The following CADM2 variants were observed in gnomAD, a reference collection of about 807,000 sequenced individuals.
The protein encoded by CADM2 is immunoglobulin superfamily member 4D.
Under a neutral mutation model 49.8 loss-of-function variants are expected in CADM2, and 12 were observed. The ratio of observed to expected loss-of-function variants is 0.24; its 90% CI spans 0.15 to 0.39. The LOEUF is 0.39. Among genes scored for constraint, CADM2 ranks in the 10% least tolerant of loss-of-function variants. The pLI is 1.00. For missense variants in CADM2, 378 were observed against 492.3 expected, an observed-to-expected ratio of 0.77 and a Z score of 2.20; for synonymous variants, 214 against 175.4, an observed-to-expected ratio of 1.22 and a Z score of -1.74.
chr3:85,726,484 G>A (rs1559616641), intron 1 of CADM2, 38 bp from the exon 2 acceptor site: 1 of 1,609,548 alleles, frequency 6.2e-7, no homozygotes, highest in Non-Finnish European at 8.5e-7. Context: ...TATCTAATAT[G>A]TTTGTTCTCT....
intron 1 of CADM2, among the ~76,000 whole-genome samples, chr3:85,195,313 A>T (rs2041314751): frequency 6.6e-6 from 1 of 152,036 alleles, no homozygotes; most frequent in South Asian, 2.1e-4. Flanking sequence ...CCTGCCTCTC[A>T]TTAGTCAAAA....
At chr3:85,621,922 A>C (rs1239760074) in intron 1 of CADM2, among the ~76,000 whole-genome samples, 1 of 152,196 alleles carries the variant, frequency 6.6e-6, no homozygotes, top group African/African-American at 2.4e-5. Flanking sequence ...GCATAAAATA[A>C]TTCCCCGCTT....
At chr3:85,340,863 T>C (rs1483420297) in intron 1 of CADM2, among the ~76,000 whole-genome samples, 1 of 151,704 alleles carries the variant, frequency 6.6e-6, no homozygotes, top group Non-Finnish European at 1.5e-5. Flanking sequence ...TGGAGATTAT[T>C]GTTTTATTTG....
chr3:85,301,814 TCAGGTCTCCTGACACC>T (rs2044108302), intron 1 of CADM2, among the ~76,000 whole-genome samples: 1 of 152,064 alleles, frequency 6.6e-6, no homozygotes, highest in African/African-American at 2.4e-5. Context: ...TGATATGAGC[TCAGGTCTCCTGACACC>T]CATATTAAAA....
intron 7 of CADM2, among the ~76,000 whole-genome samples, chr3:85,945,718 A>G (rs1722595966): frequency 6.6e-6 from 1 of 152,162 alleles, no homozygotes; most frequent in Non-Finnish European, 1.5e-5. Context: ...GCCTTTGATA[A>G]AATTCAACAG....
intron 1 of CADM2, among the ~76,000 whole-genome samples, chr3:85,188,015 T>C (rs1217819343): frequency 6.6e-6 from 1 of 151,984 alleles, no homozygotes; most frequent in Non-Finnish European, 1.5e-5. Context: ...AAAGTTATTA[T>C]CTAAATTATT....
intron 7 of CADM2, among the ~76,000 whole-genome samples, chr3:85,940,455 G>A (rs549191442): frequency 5.9e-5 from 9 of 152,064 alleles, no homozygotes; most frequent in Non-Finnish European, 1.2e-4. Flanking sequence ...ACCATCAGAC[G>A]AAATGACAAA....
At chr3:85,820,038 G>T (rs888202673) in intron 3 of CADM2, among the ~76,000 whole-genome samples, 3 of 152,090 alleles carry the variant, frequency 2.0e-5, no homozygotes, top group African/African-American at 7.2e-5. Flanking sequence ...AGAGGTAGAA[G>T]TGTCATGTCT....
At chr3:85,653,600 TATG>T (rs2065117229) in intron 1 of CADM2, among the ~76,000 whole-genome samples, 1 of 152,068 alleles carries the variant, frequency 6.6e-6, no homozygotes, top group South Asian at 2.1e-4. Flanking sequence ...AAATTTGTTT[TATG>T]ATATTTTTTA....
intron 1 of CADM2, among the ~76,000 whole-genome samples, chr3:84,963,685 A>G (rs1275493004): frequency 6.6e-6 from 1 of 152,168 alleles, no homozygotes; most frequent in Non-Finnish European, 1.5e-5. Flanking sequence ...ATCTCATTGG[A>G]CGTACATAAT....
chr3:85,696,931 T>C (rs2066576088), intron 1 of CADM2, among the ~76,000 whole-genome samples: 2 of 151,764 alleles, frequency 1.3e-5, no homozygotes, highest in South Asian at 4.1e-4. Flanking sequence ...CTTATAGTGT[T>C]TCATCTTTAG....
In CADM2 at chr3:85,899,256, G is replaced by T. The variant is rs577822454; in HGVS notation, c.529+12929G>T. ...GCTGGGATTACAGGTGTGAGCCACC[G>T]CACTCAGCAATATTACTATTATATT... is the stretch of plus-strand genomic sequence containing the variant. On this transcript the variant is annotated intron_variant, in intron 5 of 9. Transcript: ENST00000383699. 5.4e-4 allele frequency among the ~76,000 whole-genome samples: 82 copies of T among 151,822 alleles called. 1 individual carries two copies. Among genetic ancestry groups the T allele is most frequent in the Middle Eastern group, 6.8e-3 (2 of 294 alleles).
chr3:85,054,624 G>A (rs535237684), intron 1 of CADM2, among the ~76,000 whole-genome samples: 1 of 151,910 alleles, frequency 6.6e-6, no homozygotes, highest in Admixed American at 6.6e-5. Context: ...GTTGGTACTA[G>A]TCGAAAAGGA....
At chr3:85,229,112 C>A (rs954414233) in intron 1 of CADM2, among the ~76,000 whole-genome samples, 9 of 152,176 alleles carry the variant, frequency 5.9e-5, no homozygotes, top group Non-Finnish European at 1.0e-4. Context: ...ACACTGTGAG[C>A]ATAAAACTGC....
intron 6 of CADM2, among the ~76,000 whole-genome samples, chr3:85,933,588 A>C (rs1021726793): frequency 6.6e-6 from 1 of 152,082 alleles, no homozygotes; most frequent in Admixed American, 6.6e-5. Context: ...AAGGAGATTT[A>C]TTGTGAGGAA....
At chr3:86,044,835 T>A (rs1578047797) in intron 8 of CADM2, among the ~76,000 whole-genome samples, 1 of 152,056 alleles carries the variant, frequency 6.6e-6, no homozygotes, top group East Asian at 1.9e-4. Context: ...ATAGACTGGA[T>A]TAAGAAAATG....
intron 1 of CADM2, among the ~76,000 whole-genome samples, chr3:85,532,065 G>A (rs942457687): frequency 2.6e-5 from 4 of 152,006 alleles, no homozygotes; most frequent in African/African-American, 9.7e-5. Context: ...TAGTCCCAGC[G>A]ACTCTGGAGG....
At chr3:85,789,421 A>G (rs1247406400) in intron 2 of CADM2, among the ~76,000 whole-genome samples, 1 of 152,182 alleles carries the variant, frequency 6.6e-6, no homozygotes, top group Non-Finnish European at 1.5e-5. Flanking sequence ...AATAATTACC[A>G]TGTAAGCCTG....
Position 85,413,298 on chromosome 3 carries a change from A to G in CADM2, c.62-313224A>G, listed in dbSNP as rs1288144462. On this transcript the variant is annotated intron_variant, in intron 1 of 9. Transcript: ENST00000383699. ...TATAGGTACACATTCAGAAACAAACATATTTTCCTTTGTGCATATCACTAA... is the reference window on the plus strand; with the variant it reads ...TATAGGTACACATTCAGAAACAAACGTATTTTCCTTTGTGCATATCACTAA... Among the ~76,000 whole-genome samples, 7 of 151,934 alleles carry G rather than the reference A, an allele frequency of 4.6e-5. No individual in the cohort carries two copies. The East Asian group carries it at 1.3e-3, about 29-fold the overall frequency.
Sources: allele counts gnomAD v4.1 joint callset (sites outside exome capture counted in the v4.1 genomes callset), GRCh38; gene constraint gnomAD v4.1.1; transcripts MANE v1.5; gene names NCBI Gene and HGNC (gene_info 2026-07-23, HGNC 2026-07-21).